Variants in ABCC1 observed in about 807,000 individuals in gnomAD.
ABCC1 encodes the protein multidrug resistance-associated protein 1.
ABCC1 carries 83 observed loss-of-function variants against 172.9 expected under a neutral mutation model. That is an observed-to-expected ratio of 0.48 (90% CI 0.40 to 0.58). ABCC1 has a LOEUF of 0.58. Ranked by LOEUF, ABCC1 falls within the 20% of genes least tolerant of loss-of-function variation. The probability of loss-of-function intolerance (pLI) is 0.00; values close to 1 mark genes in which losing one functional copy is unlikely to be tolerated. For synonymous variants in ABCC1, 937 were observed against 825.2 expected (o/e 1.14, Z -2.32); for missense variants, 1,817 against 2,002.7 (o/e 0.91, Z 1.77).
At chr16:16,071,001 A>G (rs973576705) in intron 13 of ABCC1, among the ~76,000 whole-genome samples, 26 of 152,286 alleles carry the variant, frequency 1.7e-4, no homozygotes, top group African/African-American at 5.8e-4. Flanking sequence ...GGGCTGTTTG[A>G]ATTGGCTCTG....
intron 20 of ABCC1, among the ~76,000 whole-genome samples, chr16:16,105,175 C>T (rs2052021876): frequency 6.6e-6 from 1 of 152,242 alleles, no homozygotes; most frequent in Non-Finnish European, 1.5e-5. Context: ...GGGCTGCCAG[C>T]ACGCTGTCAC....
intron 12 of ABCC1, among the ~76,000 whole-genome samples, chr16:16,060,482 T>A (rs2049863995): frequency 6.6e-6 from 1 of 152,128 alleles, no homozygotes; most frequent in African/African-American, 2.4e-5. Flanking sequence ...CTTCTTACAC[T>A]CCAATACCTT....
At chr16:16,010,359 A>G (rs1285205170) in intron 3 of ABCC1, among the ~76,000 whole-genome samples, 1 of 152,056 alleles carries the variant, frequency 6.6e-6, no homozygotes, top group Non-Finnish European at 1.5e-5. Context: ...CAGTCTTTGG[A>G]TGGGGCATGT....
intron 5 of ABCC1, among the ~76,000 whole-genome samples, chr16:16,025,009 AAAAC>A (rs1287685052): frequency 1.3e-5 from 2 of 151,722 alleles, no homozygotes; most frequent in African/African-American, 2.4e-5. Flanking sequence ...TTGAAACAAA[AAAAC>A]AAAGAAAACA....
At chr16:16,080,666 C>T (rs1567381284) in intron 16 of ABCC1, among the ~76,000 whole-genome samples, 1 of 152,210 alleles carries the variant, frequency 6.6e-6, no homozygotes, top group Non-Finnish European at 1.5e-5. Context: ...ATAATGCATA[C>T]TCCAGCCCCC....
chr16:16,124,802 C>A lies in ABCC1; in HGVS notation c.3604C>A (p.Arg1202=). ...SIVANRWLAV[R]LECVGNCIVL... Reference sequence around the variant, plus strand: ...GTCTTGGCGCAGGTGGCTGGCCGTGCGGCTGGAGTGTGTGGGCAACTGCAT... The same window carrying A: ...GTCTTGGCGCAGGTGGCTGGCCGTGAGGCTGGAGTGTGTGGGCAACTGCAT... Residue 1202 remains arginine, a synonymous_variant, in exon 25 of 31, where the codon CGG becomes AGG. Transcript: ENST00000399410. The A allele has an allele frequency of 6.2e-7, 1 of 1,614,076 alleles. No individual in the cohort carries two copies. The highest frequency in any genetic ancestry group is 8.5e-7 in the Non-Finnish European group (1 of 1,180,028).
Position 16,086,937 on chromosome 16 carries a change from G to T in ABCC1, c.2406G>T (p.Val802=), listed in dbSNP as rs981023662. The T allele has an allele frequency of 2.5e-6, 4 of 1,614,068 alleles. No homozygotes were observed. The African/African-American group carries it at 5.3e-5, about 22-fold the overall frequency. ...DDPLSAVDAH[V]GKHIFENVIG... ...CCCTCTCAGCAGTGGATGCCCATGT[G>T]GGAAAACACATCTTTGAAAATGTGA... The change falls in exon 18 of 31, where the codon GTG becomes GTT. Residue 802 remains valine, a synonymous_variant. Transcript: ENST00000399410.
chr16:15,983,490 A>G (rs922218064), intron 1 of ABCC1, among the ~76,000 whole-genome samples: 1 of 151,240 alleles, frequency 6.6e-6, no homozygotes, highest in Non-Finnish European at 1.5e-5. Flanking sequence ...GGTCATGCAG[A>G]TAAGATTTAT....
At position 16,102,628 on chromosome 16, in the gene ABCC1, G is replaced by A. The variant is rs2051816629; in HGVS notation, c.2646G>A (p.Gly882=). 16 of 1,577,248 alleles carry A rather than the reference G, an allele frequency of 1.0e-5. No individual in the cohort carries two copies. Among genetic ancestry groups the A allele is most frequent in the African/African-American group, 1.3e-5 (1 of 74,388 alleles). The change falls in exon 20 of 31, where the codon GGG becomes GGA. Residue 882 remains glycine, a splice_region_variant and synonymous_variant. Coordinates refer to ENST00000399410, the MANE Select transcript of ABCC1 (RefSeq NM_004996.4). The part of the protein sequence containing the change: ...TEQEQDAEEN[G]VTGVSGPGKE... ...CCCCCTTTGTCTCTCTTCTGCCAGG[G>A]GTCACGGGCGTCAGCGGTCCAGGGA...
intron 1 of ABCC1, among the ~76,000 whole-genome samples, chr16:15,979,106 C>T (rs2046559902): frequency 6.6e-6 from 1 of 152,010 alleles, no homozygotes; most frequent in African/African-American, 2.4e-5. Context: ...TCCTGGTGAA[C>T]ATGGTGAAAC....
At chr16:15,953,506 G>C (rs928168785) in intron 1 of ABCC1, among the ~76,000 whole-genome samples, 7 of 152,162 alleles carry the variant, frequency 4.6e-5, no homozygotes, top group Admixed American at 3.9e-4. Flanking sequence ...GTGGGATAAC[G>C]TAGTACCTAG....
chr16:16,034,182 C>CT (rs1482406869), intron 6 of ABCC1, among the ~76,000 whole-genome samples: 1 of 151,532 alleles, frequency 6.6e-6, no homozygotes, highest in African/African-American at 2.4e-5. Context: ...CACACTCCCC[C>CT]ATGCCCAGCA....
intron 1 of ABCC1, among the ~76,000 whole-genome samples, chr16:15,982,131 T>A (rs1164701419): frequency 6.6e-6 from 1 of 152,170 alleles, no homozygotes; most frequent in Non-Finnish European, 1.5e-5. Flanking sequence ...CAAACTTTCT[T>A]ACATCTTGCT....
chr16:16,073,856 C>A (rs2151966011), intron 14 of ABCC1, among the ~76,000 whole-genome samples: 1 of 152,318 alleles, frequency 6.6e-6, no homozygotes, highest in Middle Eastern at 3.4e-3. Flanking sequence ...TACAGTCTGG[C>A]TCCAGAGTCC....
intron 20 of ABCC1, 47 bp downstream of exon 20, chr16:16,102,764 G>A (rs1305998512): frequency 2.0e-6 from 3 of 1,533,128 alleles, no homozygotes; most frequent in Non-Finnish European, 2.6e-6. Context: ...TGCCCTGCCA[G>A]TGGGAGGACA....
chr16:15,982,289 A>G (rs1021150710), intron 1 of ABCC1, among the ~76,000 whole-genome samples: 7 of 152,094 alleles, frequency 4.6e-5, no homozygotes, highest in African/African-American at 1.7e-4. Context: ...GCTATAAAGA[A>G]CTGCCCAAGA....
chr16:15,998,146 G>A (rs1396969581), intron 1 of ABCC1, among the ~76,000 whole-genome samples: 3 of 131,486 alleles, frequency 2.3e-5, no homozygotes, highest in Non-Finnish European at 4.9e-5. Context: ...CTTTGAGACA[G>A]TCTCTTACTC....
At chr16:15,976,640 T>G (rs747295034) in intron 1 of ABCC1, among the ~76,000 whole-genome samples, 1 of 152,150 alleles carries the variant, frequency 6.6e-6, no homozygotes, top group African/African-American at 2.4e-5. Context: ...TTAGTCAGTC[T>G]ACTAAGGGGG....
intron 27 of ABCC1, 75 bp from the exon 28 acceptor site, chr16:16,134,275 G>T: frequency 6.3e-7 from 1 of 1,585,912 alleles, no homozygotes; most frequent in Non-Finnish European, 8.6e-7. Context: ...GTGGGGCCGA[G>T]ATGAGGGCAC....
Sources: allele counts gnomAD v4.1 joint callset (sites outside exome capture counted in the v4.1 genomes callset), GRCh38; gene constraint gnomAD v4.1.1; transcripts MANE v1.5; gene names NCBI Gene and HGNC (gene_info 2026-07-23, HGNC 2026-07-21).